NEU4: variants seen among roughly 807,000 people sequenced by gnomAD.
The protein encoded by NEU4 is neuraminidase 4.
In NEU4, 7 loss-of-function variants were observed where a neutral mutation model predicts 9.9. The ratio of observed to expected loss-of-function variants is 0.71; its 90% CI spans 0.40 to 1.33. NEU4 has a LOEUF of 1.33. Ranked by LOEUF, NEU4 falls within the 40% of genes most tolerant of loss-of-function variation. The pLI is 0.01. For missense variants in NEU4, 717 were observed against 712.6 expected (o/e 1.01, Z -0.07); for synonymous variants, 348 against 316.9 (o/e 1.10, Z -1.04).
chr2:241,811,184 G>A (rs563013815), intron 1 of NEU4: 7 of 1,230,842 alleles, frequency 5.7e-6, no homozygotes, highest in African/African-American at 1.6e-5. Context: ...GCGCACCCCC[G>A]TGTCCTCAGC....
At chr2:241,814,818 T>A in intron 2 of NEU4, 74 bp from the exon 3 acceptor site, 1 of 1,553,668 alleles carries the variant, frequency 6.4e-7, no homozygotes, top group Non-Finnish European at 8.7e-7. Flanking sequence ...GGCTCAGCGA[T>A]CCTGGGTGCC....
At chr2:241,812,876 C>A (rs1184956549) in intron 1 of NEU4, among the ~76,000 whole-genome samples, 1 of 152,156 alleles carries the variant, frequency 6.6e-6, no homozygotes, top group Non-Finnish European at 1.5e-5. Context: ...GTGGTCCGGG[C>A]CTTGGGGAGG....
chr2:241,811,392 C>T, intron 1 of NEU4: 1 of 1,523,662 alleles, frequency 6.6e-7, no homozygotes, highest in East Asian at 2.5e-5. Context: ...CACAGTGGGC[C>T]CTTGTCTCTG....
chr2:241,814,833 G>T (rs1032626280), intron 2 of NEU4, 59 bp from the exon 3 acceptor site: 7 of 1,566,900 alleles, frequency 4.5e-6, no homozygotes, highest in Non-Finnish European at 6.1e-6. Context: ...GGTGCCCTGC[G>T]GGGGGCTGTG....
intron 3 of NEU4, chr2:241,815,694 A>C: frequency 2.0e-6 from 1 of 509,722 alleles, no homozygotes; most frequent in East Asian, 4.2e-5. Context: ...CTCTGTGGCC[A>C]CCTGACCCCG....
chr2:241,813,387 C>A, intron 1 of NEU4: 1 of 1,052,242 alleles, frequency 9.5e-7, no homozygotes, highest in Non-Finnish European at 1.2e-6. Flanking sequence ...GTGGATCTGA[C>A]CGCTCCTGCA....
In NEU4 at chr2:241,814,655, G is replaced by A. The variant is rs778708947; in HGVS notation, c.171G>A (p.Arg57=). The part of the protein sequence containing the change: ...DDSHAHRLVL[R]RGTLAGGSVR... ...CCCACGCCCACCGCCTGGTGCTGAGGAGGGGCACGCTGGCCGGGGGCTCCG... is the reference window on the plus strand; with the variant it reads ...CCCACGCCCACCGCCTGGTGCTGAGAAGGGGCACGCTGGCCGGGGGCTCCG... Residue 57 remains arginine (R), a synonymous_variant, in exon 2 of 4, where the codon AGG becomes AGA. Coordinates refer to ENST00000407683, the MANE Select transcript of NEU4 (RefSeq NM_001167600.3). 1.9e-6 allele frequency: 3 copies of A among 1,572,866 alleles called. No homozygotes were observed. The highest frequency in any genetic ancestry group is 1.2e-5 in the South Asian group (1 of 86,932).
intron 3 of NEU4, chr2:241,815,519 C>T (rs1357158947): frequency 1.9e-6 from 1 of 517,406 alleles, no homozygotes; most frequent in African/African-American, 1.9e-5. Flanking sequence ...CTCATCCCCC[C>T]CGCTAATCTC....
At chr2:241,813,319 C>T in intron 1 of NEU4, 19 of 1,040,534 alleles carry the variant, frequency 1.8e-5, no homozygotes, top group Non-Finnish European at 2.1e-5. Flanking sequence ...CTCCCTCCTC[C>T]CTCCTTCCCT....
In NEU4 at chr2:241,809,253, A is replaced by T. The variant is rs968766131; in HGVS notation, c.-25A>T. The T allele has an allele frequency of 7.0e-6, 9 of 1,288,744 alleles. No individual in the cohort carries two copies. In the African/African-American group the frequency reaches 1.4e-4, roughly 20 times the overall value. The allele number at this position is 1,288,744 out of a possible 1,614,324, so 79.8% of individuals were successfully genotyped here. On this transcript the variant is annotated 5_prime_UTR_variant, in exon 1 of 4. Coordinates refer to ENST00000407683, the MANE Select transcript of NEU4 (RefSeq NM_001167600.3). Reference sequence around the variant, plus strand: ...CACCGTCCTTTTGTCTCTGCCTTTGAGGTTGGCGGGAACTGAAACTGGTAC... The same window carrying T: ...CACCGTCCTTTTGTCTCTGCCTTTGTGGTTGGCGGGAACTGAAACTGGTAC...
In NEU4 at chr2:241,817,026, G is replaced by A. The variant is rs764606838; in HGVS notation, c.1433G>A (p.Arg478Gln). The change falls in exon 4 of 4, where the codon CGG becomes CAG. Residue 478 changes from arginine (R) to glutamine (Q), a missense_variant. Coordinates refer to ENST00000407683, the MANE Select transcript of NEU4 (RefSeq NM_001167600.3). ...PKPPNLGDKPRGCCWPS is the reference protein window; with the variant it reads ...PKPPNLGDKPQGCCWPS ...CCGCCCAACCTTGGGGACAAGCCTCGGGGGTGCTGCTGGCCCTCCTGACAG... is the reference window on the plus strand; with the variant it reads ...CCGCCCAACCTTGGGGACAAGCCTCAGGGGTGCTGCTGGCCCTCCTGACAG... 22 of 1,598,352 alleles carry A rather than the reference G, an allele frequency of 1.4e-5. No individual in the cohort carries two copies. Among genetic ancestry groups the A allele is most frequent in the South Asian group, 6.8e-5 (6 of 88,434 alleles).
At chr2:241,814,727 G>A in intron 2 of NEU4, 42 bp downstream of exon 2, 1 of 1,519,246 alleles carries the variant, frequency 6.6e-7, no homozygotes, top group Non-Finnish European at 8.8e-7. Flanking sequence ...GTAGTGGCCG[G>A]ATCTGCTGGG....
chr2:241,815,339 C>T (rs1700286789), intron 3 of NEU4, 192 bp downstream of exon 3: 1 of 835,004 alleles, frequency 1.2e-6, no homozygotes, highest in Non-Finnish European at 1.8e-6. Flanking sequence ...CGTCCTGAGC[C>T]TCCCGTCCCA....
At chr2:241,812,204 G>GT (rs1700140840) in intron 1 of NEU4, among the ~76,000 whole-genome samples, 1 of 150,974 alleles carries the variant, frequency 6.6e-6, no homozygotes, top group South Asian at 2.1e-4. Context: ...GTTGGCGGGG[G>GT]TGGGGGGGGT....
Position 241,815,388 on chromosome 2 carries a change from T to C in NEU4, c.457+241T>C, listed in dbSNP as rs587689618. On this transcript the variant is annotated intron_variant, in intron 3 of 3. Coordinates refer to ENST00000407683, the MANE Select transcript of NEU4 (RefSeq NM_001167600.3). ...CCCCAGGACTGTTCTGCGCCTCCCG[T>C]CCCAGGCAAATCCCTCTCCCCAGGA... 4.1e-5 allele frequency: 22 copies of C among 534,508 alleles called. No individual in the cohort carries two copies. In the African/African-American group the frequency reaches 5.1e-4, roughly 12 times the overall value. 33.1% of individuals were successfully genotyped at this position (534,508 alleles called of 1,614,324 possible). A position where few individuals can be genotyped will look rare whatever the true frequency, so the allele number is the denominator to read the frequency against.
chr2:241,814,326 G>A, intron 1 of NEU4, 156 bp from the exon 2 acceptor site: 1 of 695,276 alleles, frequency 1.4e-6, no homozygotes, highest in Non-Finnish European at 2.5e-6. Context: ...GAGGGAGTCA[G>A]AAACAGGGCT....
At chr2:241,812,703 C>G (rs1157292882) in intron 1 of NEU4, among the ~76,000 whole-genome samples, 1 of 143,368 alleles carries the variant, frequency 7.0e-6, no homozygotes, top group African/African-American at 2.8e-5. Flanking sequence ...AAGGAAGCCC[C>G]AAGCCAAGTG....
intron 1 of NEU4, chr2:241,811,020 G>A: frequency 9.5e-7 from 1 of 1,049,836 alleles, no homozygotes; most frequent in East Asian, 7.0e-5. Context: ...GCTGTGCCAG[G>A]GGAGGCCCCG....
intron 1 of NEU4, chr2:241,813,542 C>T (rs1392803814): frequency 7.9e-7 from 1 of 1,267,854 alleles, no homozygotes; most frequent in East Asian, 5.9e-5. Flanking sequence ...AAGCAGACCC[C>T]ATGCGTGCCC....
Sources: gnomAD v4.1 joint callset for allele counts (sites outside exome capture counted in the v4.1 genomes callset) on GRCh38, gnomAD v4.1.1 for gene constraint, MANE v1.5 for transcripts, NCBI Gene and HGNC (gene_info 2026-07-23, HGNC 2026-07-21) for gene names.